The following FBXO4 variants were observed in gnomAD, a reference collection of about 807,000 sequenced individuals.
FBXO4 encodes F-box only protein 4.
In FBXO4, 36 loss-of-function variants were observed where a neutral mutation model predicts 43.7. The ratio of observed to expected loss-of-function variants is 0.82; its 90% CI spans 0.63 to 1.09. The LOEUF (loss-of-function observed/expected upper bound fraction) is 1.09. Ranked by LOEUF, FBXO4 falls within the 50% of genes least tolerant of loss-of-function variation. FBXO4 has a pLI of 0.00. For missense variants in FBXO4, 435 were observed against 474.1 expected (o/e 0.92, Z 0.77); for synonymous variants, 180 against 165.6 (o/e 1.09, Z -0.67).
chr5:42,017,384 T>G, the FBXO4 span, among the ~76,000 whole-genome samples: 5 of 152,072 alleles, frequency 3.3e-5, no homozygotes, highest in African/African-American at 1.2e-4. Flanking sequence ...CCAGGAAGAC[T>G]TTTTTAAGGT....
chr5:41,935,084 A>T, intron 5 of FBXO4: 1 of 985,160 alleles, frequency 1.0e-6, no homozygotes, highest in Middle Eastern at 5.2e-4. Flanking sequence ...TTAGAAGCAA[A>T]ATAAAAGATA....
At chr5:41,957,011 C>G in the FBXO4 span, among the ~76,000 whole-genome samples, 1 of 151,958 alleles carries the variant, frequency 6.6e-6, no homozygotes. Context: ...TGCGCCTGGC[C>G]TTTTTTTCTT....
the FBXO4 span, among the ~76,000 whole-genome samples, chr5:42,025,412 G>C: frequency 6.6e-6 from 1 of 151,582 alleles, no homozygotes; most frequent in Non-Finnish European, 1.5e-5. Flanking sequence ...CTGTAGAGTT[G>C]TCTGAGCTCA....
chr5:42,002,245 C>T, the FBXO4 span, among the ~76,000 whole-genome samples: 4 of 152,232 alleles, frequency 2.6e-5, no homozygotes, highest in African/African-American at 9.6e-5. Flanking sequence ...TAAGAATGAT[C>T]ATAGTACCTC....
chr5:42,033,776 T>C, the FBXO4 span, among the ~76,000 whole-genome samples: 1 of 152,226 alleles, frequency 6.6e-6, no homozygotes, highest in Non-Finnish European at 1.5e-5. Context: ...ATCCAGTCTA[T>C]CATTGATGGG....
At chr5:41,944,128 A>T (rs1248666127), downstream of FBXO4, among the ~76,000 whole-genome samples, 1 of 152,184 alleles carries the variant, frequency 6.6e-6, no homozygotes, top group African/African-American at 2.4e-5. Context: ...ATGGTAACCC[A>T]ATGCTATTTT....
the FBXO4 span, among the ~76,000 whole-genome samples, chr5:41,999,103 A>G: frequency 6.6e-6 from 1 of 151,152 alleles, no homozygotes; most frequent in Non-Finnish European, 1.5e-5. Flanking sequence ...TATTATATAT[A>G]GAGTTGCTAA....
the FBXO4 span, among the ~76,000 whole-genome samples, chr5:42,032,541 A>C: frequency 6.6e-6 from 1 of 152,270 alleles, no homozygotes; most frequent in Admixed American, 6.5e-5. Context: ...CTACTGCCAG[A>C]CTACTGCCAA....
At chr5:42,025,304 C>A in the FBXO4 span, among the ~76,000 whole-genome samples, 3 of 151,952 alleles carry the variant, frequency 2.0e-5, no homozygotes, top group Admixed American at 1.3e-4. Flanking sequence ...CTCTGATGAT[C>A]AATAATGTTG....
chr5:41,996,123 G>T, the FBXO4 span, among the ~76,000 whole-genome samples: 6 of 152,336 alleles, frequency 3.9e-5, no homozygotes, highest in South Asian at 1.2e-3. Context: ...GGTGGCAGGA[G>T]TGGAGACCAT....
the FBXO4 span, among the ~76,000 whole-genome samples, chr5:41,981,995 C>G: frequency 6.6e-6 from 1 of 150,734 alleles, no homozygotes; most frequent in African/African-American, 2.4e-5. Context: ...TGAGAACATG[C>G]GGTGTTTGGT....
the FBXO4 span, among the ~76,000 whole-genome samples, chr5:41,949,590 CCAT>C: frequency 6.6e-6 from 1 of 152,300 alleles, no homozygotes; most frequent in South Asian, 2.1e-4. Context: ...GAAAAATATT[CCAT>C]GCTCATGGAT....
chr5:41,949,728 T>C, the FBXO4 span, among the ~76,000 whole-genome samples: 828 of 152,178 alleles, frequency 5.4e-3, 8 homozygotes, highest in African/African-American at 0.019. Flanking sequence ...AAAGTTCATA[T>C]GGAATCAAAA....
chr5:42,031,202 C>T, the FBXO4 span, among the ~76,000 whole-genome samples: 3 of 152,068 alleles, frequency 2.0e-5, no homozygotes, highest in Non-Finnish European at 4.4e-5. Context: ...AGACTTGGAA[C>T]CAACCTAAAT....
the FBXO4 span, among the ~76,000 whole-genome samples, chr5:41,999,487 A>G: frequency 1.0e-5 from 1 of 98,388 alleles, no homozygotes; most frequent in African/African-American, 5.0e-5. Context: ...ACACATATAT[A>G]TATATACATA....
chr5:41,956,193 C>T, the FBXO4 span, among the ~76,000 whole-genome samples: 1 of 152,102 alleles, frequency 6.6e-6, no homozygotes, highest in Non-Finnish European at 1.5e-5. Context: ...TAGACAAGGA[C>T]TATAACTATA....
chr5:42,008,954 C>T, the FBXO4 span, among the ~76,000 whole-genome samples: 1 of 152,104 alleles, frequency 6.6e-6, no homozygotes, highest in Non-Finnish European at 1.5e-5. Context: ...TTTCTCTTTT[C>T]TAGAGAGATA....
chr5:41,994,068 C>T, the FBXO4 span, among the ~76,000 whole-genome samples: 2 of 152,156 alleles, frequency 1.3e-5, no homozygotes, highest in Non-Finnish European at 2.9e-5. Context: ...TCCTAGACAA[C>T]TTGAACCCAT....
At chr5:41,955,607 G>T in the FBXO4 span, among the ~76,000 whole-genome samples, 1 of 152,140 alleles carries the variant, frequency 6.6e-6, no homozygotes, top group Non-Finnish European at 1.5e-5. Context: ...TAAAACTGGG[G>T]ATCTGACGAG....
Sources: gnomAD v4.1 joint callset for allele counts (sites outside exome capture counted in the v4.1 genomes callset) on GRCh38, gnomAD v4.1.1 for gene constraint, MANE v1.5 for transcripts, NCBI Gene and HGNC (gene_info 2026-07-23, HGNC 2026-07-21) for gene names.